Variants in GLRA3 observed in about 807,000 individuals in gnomAD.
The protein encoded by GLRA3 is glycine receptor alpha 3.
GLRA3 carries 44 observed loss-of-function variants against 60.4 expected under a neutral mutation model. That is an observed-to-expected ratio of 0.73 (90% CI 0.57 to 0.94). The LOEUF (loss-of-function observed/expected upper bound fraction) is 0.94, where lower values mean the gene tolerates loss of function less well. Ranked by LOEUF, GLRA3 falls within the 40% of genes least tolerant of loss-of-function variation. The probability of loss-of-function intolerance (pLI) is 0.00; values close to 1 mark genes in which losing one functional copy is unlikely to be tolerated. For synonymous variants in GLRA3, 223 were observed against 192.9 expected (o/e 1.16, Z -1.29); for missense variants, 508 against 564.6 (o/e 0.90, Z 1.02).
At chr4:174,691,595 TG>T (rs1734810097) in intron 5 of GLRA3, among the ~76,000 whole-genome samples, 3 of 152,328 alleles carry the variant, frequency 2.0e-5, no homozygotes, top group Admixed American at 6.5e-5. Context: ...GGTTTCGCTG[TG>T]TTGGCTGGGC....
intron 1 of GLRA3, among the ~76,000 whole-genome samples, chr4:174,825,646 C>A (rs897503238): frequency 1.3e-5 from 2 of 151,852 alleles, no homozygotes; most frequent in Non-Finnish European, 2.9e-5. Flanking sequence ...ATGTTTTGTT[C>A]TTTATTTTAT....
chr4:174,665,306 C>A (rs6820480), intron 7 of GLRA3, among the ~76,000 whole-genome samples: 22,522 of 149,376 alleles, frequency 0.15, 2,208 homozygotes, highest in East Asian at 0.38. Flanking sequence ...TACTGTTCAT[C>A]CTGTAGGTCT....
At chr4:174,790,698 T>C (rs9990777) in intron 1 of GLRA3, among the ~76,000 whole-genome samples, 22,621 of 151,066 alleles carry the variant, frequency 0.15, 2,187 homozygotes, top group East Asian at 0.41. Context: ...TACTAGACGA[T>C]GGCCGGGTGC....
intron 1 of GLRA3, among the ~76,000 whole-genome samples, chr4:174,814,573 A>G (rs1740407787): frequency 6.6e-6 from 1 of 152,220 alleles, no homozygotes; most frequent in South Asian, 2.1e-4. Context: ...TACAAAAGAA[A>G]GAGTTTTAAT....
At chr4:174,819,796 A>T (rs1301903633) in intron 1 of GLRA3, among the ~76,000 whole-genome samples, 1 of 152,146 alleles carries the variant, frequency 6.6e-6, no homozygotes, top group Non-Finnish European at 1.5e-5. Flanking sequence ...CTTATTAGAG[A>T]TTCTGATCCC....
intron 7 of GLRA3, among the ~76,000 whole-genome samples, chr4:174,669,925 C>G (rs1301698328): frequency 9.2e-5 from 14 of 152,172 alleles, no homozygotes; most frequent in African/African-American, 3.4e-4. Flanking sequence ...AATAACAAAA[C>G]TTCATTGTTT....
At chr4:174,742,701 A>C (rs1347017672) in intron 3 of GLRA3, among the ~76,000 whole-genome samples, 1 of 152,194 alleles carries the variant, frequency 6.6e-6, no homozygotes, top group African/African-American at 2.4e-5. Flanking sequence ...CAGCAGAAAA[A>C]TGATAGCTTT....
At chr4:174,809,803 A>G (rs1560812652) in intron 1 of GLRA3, among the ~76,000 whole-genome samples, 1 of 152,200 alleles carries the variant, frequency 6.6e-6, no homozygotes, top group South Asian at 2.1e-4. Flanking sequence ...TAAGGGAGGT[A>G]GGACTAAAGA....
At position 174,639,081 on chromosome 4, in the gene GLRA3, GT is replaced by G. The variant is rs1399001026; in HGVS notation, c.*4704del. On this transcript the variant is annotated 3_prime_UTR_variant, in exon 10 of 10. Transcript: ENST00000274093. ...TATTACTAGCTGTCTTTTGAAAAAG[GT>G]TTTTGACAGTTATTTAGCTGTTCTT... 6.6e-6 allele frequency: 1 copy of G among 152,074 alleles called. No homozygotes were observed. Among genetic ancestry groups the G allele is most frequent in the Admixed American group, 6.6e-5 (1 of 15,260 alleles). 9.4% of individuals were successfully genotyped at this position (152,074 alleles called of 1,614,324 possible). A position where few individuals can be genotyped will look rare whatever the true frequency, so the allele number is the denominator to read the frequency against.
At chr4:174,645,852 A>C (rs2110844411) in intron 9 of GLRA3, among the ~76,000 whole-genome samples, 1 of 152,326 alleles carries the variant, frequency 6.6e-6, no homozygotes, top group South Asian at 2.1e-4. Context: ...TTTGCCTTAA[A>C]GTTTTCCATA....
chr4:174,736,528 T>G (rs1736796301), intron 3 of GLRA3, among the ~76,000 whole-genome samples: 1 of 152,066 alleles, frequency 6.6e-6, no homozygotes, highest in Non-Finnish European at 1.5e-5. Flanking sequence ...TCCCCATAGA[T>G]TTACCTACTC....
chr4:174,715,514 TG>T lies in GLRA3; in HGVS notation c.547del (p.Gln183LysfsTer4). 6.4e-7 allele frequency: 1 copy of T among 1,553,418 alleles called. No individual in the cohort carries two copies. Among genetic ancestry groups the T allele is most frequent in the Non-Finnish European group, 8.9e-7 (1 of 1,127,902 alleles). On this transcript the variant is annotated frameshift_variant, in exon 5 of 10. Coordinates refer to ENST00000274093, the MANE Select transcript of GLRA3 (RefSeq NM_006529.4). LOFTEE classifies it high-confidence loss of function. ...GCTTTCCAGTTGCATTATACATGTT[TG>T]TACATCCATGGGAAAATTCTTGAGA... ...MDLKNFPMDV[Q>X]TCIMQLESFG...
At chr4:174,748,772 G>A (rs766207292) in intron 3 of GLRA3, among the ~76,000 whole-genome samples, 14 of 152,144 alleles carry the variant, frequency 9.2e-5, no homozygotes, top group Non-Finnish European at 1.9e-4. Flanking sequence ...AGACAGGTTT[G>A]GAGGTTAAGG....
chr4:174,713,309 G>C (rs1735791686), intron 5 of GLRA3, among the ~76,000 whole-genome samples: 1 of 152,040 alleles, frequency 6.6e-6, no homozygotes, highest in Non-Finnish European at 1.5e-5. Flanking sequence ...CAGACACATG[G>C]GAGGTCTTAC....
chr4:174,657,321 A>G (rs1478059599), intron 8 of GLRA3, among the ~76,000 whole-genome samples: 1 of 152,132 alleles, frequency 6.6e-6, no homozygotes, highest in Non-Finnish European at 1.5e-5. Flanking sequence ...GATATGTCTG[A>G]GCTTTCACAG....
chr4:174,824,486 A>G (rs933487770), intron 1 of GLRA3, among the ~76,000 whole-genome samples: 1 of 152,188 alleles, frequency 6.6e-6, no homozygotes, highest in Admixed American at 6.5e-5. Flanking sequence ...AATTTTAGCC[A>G]TATTCCATCG....
At chr4:174,715,422 A>G in intron 5 of GLRA3, 66 bp downstream of exon 5, 1 of 765,600 alleles carries the variant, frequency 1.3e-6, no homozygotes, top group South Asian at 1.5e-5. Context: ...TATCCATATT[A>G]GGCATTAAAA....
chr4:174,798,886 A>G (rs138490000), intron 1 of GLRA3, among the ~76,000 whole-genome samples: 9,899 of 151,942 alleles, frequency 0.065, 356 homozygotes, highest in Middle Eastern at 0.19. Flanking sequence ...GCACCACTGC[A>G]CTCCAGCCTG....
At chr4:174,683,068 G>C in intron 5 of GLRA3, 129 bp from the exon 6 acceptor site, 1 of 679,056 alleles carries the variant, frequency 1.5e-6, no homozygotes, top group South Asian at 1.9e-5. Flanking sequence ...TCTGTGGATG[G>C]AGCTATTCAT....
Sources: allele counts gnomAD v4.1 joint callset (sites outside exome capture counted in the v4.1 genomes callset), GRCh38; gene constraint gnomAD v4.1.1; transcripts MANE v1.5; gene names NCBI Gene and HGNC (gene_info 2026-07-23, HGNC 2026-07-21).